The following ANAPC10 variants were observed in gnomAD, a reference collection of about 807,000 sequenced individuals.
ANAPC10 encodes the protein anaphase promoting complex subunit 10, also known as anaphase-promoting complex subunit 10.
ANAPC10 carries 12 observed loss-of-function variants against 22.0 expected under a neutral mutation model. The ratio of observed to expected loss-of-function variants is 0.55; its 90% confidence interval spans 0.35 to 0.88. The LOEUF (loss-of-function observed/expected upper bound fraction) is 0.88. Ranked by LOEUF, ANAPC10 falls within the 40% of genes least tolerant of loss-of-function variation. The pLI is 0.01. For missense variants in ANAPC10, 188 were observed against 220.9 expected (o/e 0.85, Z 0.94); for synonymous variants, 65 against 69.5 (o/e 0.94, Z 0.32).
intron 3 of ANAPC10, among the ~76,000 whole-genome samples, chr4:145,076,540 T>A (rs1170868917): frequency 2.0e-5 from 3 of 151,924 alleles, no homozygotes; most frequent in African/African-American, 4.8e-5. Context: ...AAACACAGAG[T>A]GTCTTCTTAC....
chr4:145,012,196 A>G (rs561411387), intron 4 of ANAPC10, among the ~76,000 whole-genome samples: 15 of 145,746 alleles, frequency 1.0e-4, no homozygotes, highest in Admixed American at 5.5e-4. Context: ...ATATATATAT[A>G]CACACACACA....
intron 4 of ANAPC10, among the ~76,000 whole-genome samples, chr4:145,049,108 T>C (rs930555715): frequency 5.2e-4 from 79 of 152,330 alleles, no homozygotes; most frequent in African/African-American, 1.8e-3. Flanking sequence ...AAGAACAATG[T>C]ACATATCCTC....
intron 4 of ANAPC10, among the ~76,000 whole-genome samples, chr4:145,044,058 C>G (rs1739916454): frequency 6.6e-6 from 1 of 152,080 alleles, no homozygotes; most frequent in Non-Finnish European, 1.5e-5. Flanking sequence ...CTTCCCAACA[C>G]TTTCCCCCTT....
intron 4 of ANAPC10, among the ~76,000 whole-genome samples, chr4:145,019,068 T>C (rs952128395): frequency 1.3e-5 from 2 of 152,074 alleles, no homozygotes; most frequent in South Asian, 2.1e-4. Flanking sequence ...AAATAAACAA[T>C]GGATTTAAAC....
At chr4:145,041,814 TACA>T (rs549384564) in intron 4 of ANAPC10, among the ~76,000 whole-genome samples, 8 of 152,140 alleles carry the variant, frequency 5.3e-5, no homozygotes, top group African/African-American at 9.7e-5. Flanking sequence ...AAAAGATTCA[TACA>T]ACAATTATGA....
intron 3 of ANAPC10, among the ~76,000 whole-genome samples, chr4:145,068,919 G>A (rs1744091289): frequency 6.6e-6 from 1 of 152,122 alleles, no homozygotes; most frequent in Non-Finnish European, 1.5e-5. Flanking sequence ...AAAATAAGAA[G>A]TGAAAAATGT....
Position 145,092,175 on chromosome 4 carries a change from G to T in ANAPC10, c.115+3810C>A, listed in dbSNP as rs1277043367. 3.3e-5 allele frequency among the ~76,000 whole-genome samples: 5 copies of T among 152,116 alleles called. No individual in the cohort carries two copies. The East Asian group carries it at 9.6e-4, about 29-fold the overall frequency. Reference sequence around the variant, plus strand: ...CACTAGGGCCTGTCAGGATGGGGTAGGGGGAGGGAGAGCATTAGGAAAAAT... The same window carrying T: ...CACTAGGGCCTGTCAGGATGGGGTATGGGGAGGGAGAGCATTAGGAAAAAT... On this transcript the variant is annotated intron_variant, in intron 2 of 4. Coordinates refer to ENST00000507656, the MANE Select transcript of ANAPC10 (RefSeq NM_001256706.2).
intron 3 of ANAPC10, among the ~76,000 whole-genome samples, chr4:145,076,029 G>A (rs549621115): frequency 1.3e-5 from 2 of 152,268 alleles, no homozygotes; most frequent in East Asian, 3.9e-4. Context: ...ATGTCTGATT[G>A]CAGCACAGCC....
At chr4:145,089,080 C>A (rs1747300389) in intron 2 of ANAPC10, among the ~76,000 whole-genome samples, 1 of 152,102 alleles carries the variant, frequency 6.6e-6, no homozygotes, top group South Asian at 2.1e-4. Flanking sequence ...AGAGGCCTTC[C>A]ATAATCCCAC....
At chr4:145,084,937 C>A (rs74852340) in intron 2 of ANAPC10, among the ~76,000 whole-genome samples, 2,401 of 152,192 alleles carry the variant, frequency 0.016, 66 homozygotes, top group African/African-American at 0.055. Flanking sequence ...TAAAATTCCC[C>A]ATGAAACTTG....
intron 4 of ANAPC10, among the ~76,000 whole-genome samples, chr4:144,997,367 C>T (rs1023124465): frequency 6.6e-6 from 1 of 152,174 alleles, no homozygotes; most frequent in Non-Finnish European, 1.5e-5. Flanking sequence ...AAGGGAAGCC[C>T]ATCAGACTAA....
At chr4:145,063,660 T>C (rs746207699) in intron 4 of ANAPC10, among the ~76,000 whole-genome samples, 56 of 152,118 alleles carry the variant, frequency 3.7e-4, no homozygotes, top group Non-Finnish European at 5.4e-4. Flanking sequence ...TTCACAATTA[T>C]GTAGTTCAAA....
intron 2 of ANAPC10, among the ~76,000 whole-genome samples, chr4:145,091,776 GTCT>G (rs1747716930): frequency 6.6e-6 from 1 of 152,114 alleles, no homozygotes; most frequent in Non-Finnish European, 1.5e-5. Context: ...TCGCCACACT[GTCT>G]TCCACAATGG....
intron 4 of ANAPC10, chr4:145,053,917 TG>T: frequency 2.1e-4 from 91 of 432,052 alleles, no homozygotes; most frequent in South Asian, 4.0e-4. Flanking sequence ...TGTGTGTGTG[TG>T]TTTTTTTTTT....
At chr4:144,999,629 A>G (rs1156956452) in intron 4 of ANAPC10, among the ~76,000 whole-genome samples, 2 of 152,240 alleles carry the variant, frequency 1.3e-5, no homozygotes, top group African/African-American at 4.8e-5. Context: ...CACAGTGCCC[A>G]AGGTAATTTA....
At chr4:145,008,135 G>GGA (rs1433235157) in intron 4 of ANAPC10, among the ~76,000 whole-genome samples, 2 of 152,036 alleles carry the variant, frequency 1.3e-5, no homozygotes, top group South Asian at 2.1e-4. Flanking sequence ...GACTAAACCA[G>GGA]GAAGAAGCTG....
Position 144,994,737 on chromosome 4 carries a change from C to CA in ANAPC10, c.*635dup, listed in dbSNP as rs1731372619. ...CTTCCATAAGTACTGCTAGATTATA[C>CA]AGGCAATCTTTACATAATATCATTA... On this transcript the variant is annotated 3_prime_UTR_variant, in exon 5 of 5. Coordinates refer to ENST00000507656, the MANE Select transcript of ANAPC10 (RefSeq NM_001256706.2). 6.6e-6 allele frequency: 1 copy of CA among 152,036 alleles called. No individual in the cohort carries two copies. The highest frequency in any genetic ancestry group is 1.5e-5 in the Non-Finnish European group (1 of 67,966). The allele number at this position is 152,036 out of a possible 1,614,324, so 9.4% of individuals were successfully genotyped here.
At chr4:145,026,945 A>ATATATATG (rs1287102797) in intron 4 of ANAPC10, among the ~76,000 whole-genome samples, 220 of 17,110 alleles carry the variant, frequency 0.013, 5 homozygotes, top group Non-Finnish European at 0.014. Flanking sequence ...ATATATATAT[A>ATATATATG]TGTGTGTGTG....
At chr4:145,029,561 A>T (rs1737241514) in intron 4 of ANAPC10, among the ~76,000 whole-genome samples, 1 of 152,188 alleles carries the variant, frequency 6.6e-6, no homozygotes, top group African/African-American at 2.4e-5. Flanking sequence ...GGAACATAAG[A>T]GTTGTATCAG....
Sources: allele counts gnomAD v4.1 joint callset (sites outside exome capture counted in the v4.1 genomes callset), GRCh38; gene constraint gnomAD v4.1.1; transcripts MANE v1.5; gene names NCBI Gene and HGNC (gene_info 2026-07-23, HGNC 2026-07-21).